The following RGS20 variants were observed in gnomAD, a reference collection of about 807,000 sequenced individuals.
RGS20 encodes the protein gz-selective GTPase-activating protein.
In RGS20, 30 loss-of-function variants were observed where a neutral mutation model predicts 33.6. That is an observed-to-expected ratio of 0.89 (90% CI 0.67 to 1.21). The LOEUF (loss-of-function observed/expected upper bound fraction) is 1.21, where lower values mean the gene tolerates loss of function less well. Ranked by LOEUF, RGS20 falls within the 50% of genes most tolerant of loss-of-function variation. The probability of loss-of-function intolerance (pLI) is 0.00; values close to 1 mark genes in which losing one functional copy is unlikely to be tolerated. For synonymous variants in RGS20, 208 were observed against 197.9 expected (o/e 1.05, Z -0.43); for missense variants, 472 against 502.4 (o/e 0.94, Z 0.58).
Position 53,954,293 on chromosome 8 carries a change from A to G in RGS20, c.961A>G (p.Ile321Val), listed in dbSNP as rs1814796629. ...GATAATCTATGAAGACTACATTTCT[A>G]TACTTTCTCCTAAGGAGGTATGTGA... The change falls in exon 5 of 6, where the codon ATA becomes GTA. Residue 321 changes from isoleucine to valine, a missense_variant. By Grantham distance (29) the Ile-to-Val change is conservative (BLOSUM62 3). Coordinates refer to ENST00000297313, the MANE Select transcript of RGS20 (RefSeq NM_170587.4). The G allele has an allele frequency of 6.2e-7, 1 of 1,606,438 alleles. No homozygotes were observed. Among genetic ancestry groups the G allele is most frequent in the Non-Finnish European group, 8.5e-7 (1 of 1,173,466 alleles).
At chr8:53,956,904 A>G (rs1432669621) in intron 5 of RGS20, among the ~76,000 whole-genome samples, 1 of 152,060 alleles carries the variant, frequency 6.6e-6, no homozygotes, top group African/African-American at 2.4e-5. Context: ...TCCCAGCACT[A>G]TGGGAGGCCG....
intron 2 of RGS20, among the ~76,000 whole-genome samples, chr8:53,923,856 G>T (rs1300478723): frequency 1.3e-5 from 2 of 151,788 alleles, no homozygotes; most frequent in Non-Finnish European, 2.9e-5. Flanking sequence ...ATTTCTATTT[G>T]TTTTAGTTTC....
rs768447423 is a variant in RGS20, at chr8:53,954,084, C to T, written c.752C>T (p.Pro251Leu). 2 of 1,613,562 alleles carry T rather than the reference C, an allele frequency of 1.2e-6. No homozygotes were observed. Among genetic ancestry groups the T allele is most frequent in the East Asian group, 4.5e-5 (2 of 44,872 alleles). ...TTTTGGTCTCCACGAAGCCCTGCTC[C>T]TACTCTGGAAGAAGTCAACGCCTGG... is the stretch of plus-strand genomic sequence containing the variant. Residue 251 changes from proline to leucine, a missense_variant, in exon 5 of 6, where the codon CCT (proline) becomes CTT (leucine). By Grantham distance (98) the Pro-to-Leu change is moderately conservative (BLOSUM62 -3). This residue lies in a region of RGS20 where 125 missense variants were observed against 169.5 expected (regional missense o/e 0.74). Transcript: ENST00000297313.
intron 2 of RGS20, among the ~76,000 whole-genome samples, chr8:53,923,425 T>A (rs1010095558): frequency 9.2e-5 from 14 of 152,090 alleles, no homozygotes; most frequent in African/African-American, 3.4e-4. Context: ...TGAGACCCCG[T>A]CTTTACAAAA....
At chr8:53,884,641 G>A (rs545296741) in intron 2 of RGS20, among the ~76,000 whole-genome samples, 21 of 152,282 alleles carry the variant, frequency 1.4e-4, no homozygotes, top group Admixed American at 1.3e-3. Flanking sequence ...AAAATAGAAT[G>A]AAGACTTCTG....
intron 5 of RGS20, among the ~76,000 whole-genome samples, chr8:53,954,778 C>T (rs1256140927): frequency 6.7e-6 from 1 of 149,920 alleles, no homozygotes; most frequent in East Asian, 2.1e-4. Context: ...ACTTCTGCCT[C>T]CCGGGTTCAA....
intron 1 of RGS20, among the ~76,000 whole-genome samples, chr8:53,857,738 C>T (rs1327505017): frequency 2.0e-5 from 3 of 152,068 alleles, no homozygotes; most frequent in East Asian, 1.9e-4. Flanking sequence ...TTTTTAGATT[C>T]GGGATGCCAA....
chr8:53,914,832 A>T (rs1005316643), intron 2 of RGS20: 2 of 152,186 alleles, frequency 1.3e-5, no homozygotes, highest in Non-Finnish European at 2.9e-5. Flanking sequence ...AAGAAAAAAA[A>T]AGAAAAAAAA....
chr8:53,955,174 A>G lies in RGS20; in HGVS notation c.978+864A>G, dbSNP rs912761874. Among the ~76,000 whole-genome samples the G allele has an allele frequency of 9.2e-5, 14 of 151,516 alleles. No homozygotes were observed. The South Asian group carries it at 1.3e-3, about 14-fold the overall frequency. On this transcript the variant is annotated intron_variant, in intron 5 of 5. Coordinates refer to ENST00000297313, the MANE Select transcript of RGS20 (RefSeq NM_170587.4). ...TGAACATGACCAAACAGCTGCACCC[A>G]CATTCACGGTTTTCAGATCACTTTG...
intron 1 of RGS20, among the ~76,000 whole-genome samples, chr8:53,866,865 C>T (rs1318715041): frequency 6.6e-6 from 1 of 152,032 alleles, no homozygotes; most frequent in Non-Finnish European, 1.5e-5. Context: ...GGTTGGCTCT[C>T]GCTGGGGATT....
Position 53,877,380 on chromosome 8 carries a change from C to T in RGS20, c.166-1878C>T, listed in dbSNP as rs543670779. On this transcript the variant is annotated intron_variant, in intron 1 of 5. Transcript: ENST00000297313. The surrounding 1 kb of genome is among the most constrained non-coding windows in gnomAD (Gnocchi z 5.7). ...GACGCGGCCGCCGGCCCGCAGTCCCCCGCAGGTGCCGCCCAGGACTAGCTG... is the reference window on the plus strand; with the variant it reads ...GACGCGGCCGCCGGCCCGCAGTCCCTCGCAGGTGCCGCCCAGGACTAGCTG... Among the ~76,000 whole-genome samples the T allele has an allele frequency of 0.011, 1,748 of 152,298 alleles. 21 individuals carry two copies. The highest frequency in any genetic ancestry group is 0.03 in the African/African-American group (1,262 of 41,576).
At chr8:53,886,419 G>C (rs1016340352) in intron 2 of RGS20, among the ~76,000 whole-genome samples, 2 of 152,188 alleles carry the variant, frequency 1.3e-5, no homozygotes, top group African/African-American at 4.8e-5. Flanking sequence ...GGAATCACTT[G>C]TGAAATATGA....
chr8:53,958,440 G>T lies in RGS20; in HGVS notation c.1149G>T (p.Glu383Asp). 6.6e-7 allele frequency: 1 copy of T among 1,519,440 alleles called. No homozygotes were observed. The highest frequency in any genetic ancestry group is 1.4e-5 in the South Asian group (1 of 71,600). 94.1% of individuals were successfully genotyped at this position (1,519,440 alleles called of 1,614,324 possible). Residue 383 changes from glutamate (E) to aspartate (D), a missense_variant, in exon 6 of 6, where the codon GAG becomes GAT. Around this residue, in one of 3 missense-constraint regions of RGS20, gnomAD observed 125 missense variants for 169.5 expected, o/e 0.74. Coordinates refer to ENST00000297313, the MANE Select transcript of RGS20 (RefSeq NM_170587.4). Reference sequence around the variant, plus strand: ...AGGACTTGCTTCAGTCCTTATCGGAGAAATCTATTGAAGCATAGGATTTTT... The same window carrying T: ...AGGACTTGCTTCAGTCCTTATCGGATAAATCTATTGAAGCATAGGATTTTT...
chr8:53,896,654 C>A (rs963705488), intron 2 of RGS20, among the ~76,000 whole-genome samples: 1 of 152,088 alleles, frequency 6.6e-6, no homozygotes, highest in Non-Finnish European at 1.5e-5. Context: ...GACCAGAAAA[C>A]CAATTAAAGG....
chr8:53,901,446 A>G (rs1323716622), intron 2 of RGS20, among the ~76,000 whole-genome samples: 16 of 152,146 alleles, frequency 1.1e-4, no homozygotes. Flanking sequence ...TGCCTTCCCT[A>G]TGGCCCTGGT....
chr8:53,934,220 C>T (rs1459211074), intron 2 of RGS20, among the ~76,000 whole-genome samples: 1 of 152,172 alleles, frequency 6.6e-6, no homozygotes, highest in Non-Finnish European at 1.5e-5. Flanking sequence ...AAATAACCAG[C>T]TAGCATCATA....
In RGS20 at chr8:53,948,184, G is replaced by GTA. The variant is rs1157432927; in HGVS notation, c.743+1444_743+1445dup. ...TTATATATGCTATATATATGATATAGTATATATATTTACATATGCTATATA... is the reference window on the plus strand; with the variant it reads ...TTATATATGCTATATATATGATATAGTATATATATATTTACATATGCTATATA... On this transcript the variant is annotated intron_variant, in intron 4 of 5. Coordinates refer to ENST00000297313, the MANE Select transcript of RGS20 (RefSeq NM_170587.4). Among the ~76,000 whole-genome samples, 3 of 129,420 alleles carry GTA rather than the reference G, an allele frequency of 2.3e-5. No individual in the cohort carries two copies. The East Asian group carries it at 6.5e-4, about 28-fold the overall frequency. The allele number at this position is 129,420 out of a possible 152,430, so 84.9% of individuals were successfully genotyped here. A position where few individuals can be genotyped will look rare whatever the true frequency, so the allele number is the denominator to read the frequency against.
chr8:53,858,892 TAAAAAA>T (rs76466731), intron 1 of RGS20, among the ~76,000 whole-genome samples: 2 of 84,506 alleles, frequency 2.4e-5, no homozygotes, highest in African/African-American at 8.0e-5. Context: ...GGGTTATGTT[TAAAAAA>T]AAAAAAAAAA....
intron 5 of RGS20, among the ~76,000 whole-genome samples, chr8:53,956,220 G>A (rs910763230): frequency 1.3e-5 from 2 of 152,192 alleles, no homozygotes; most frequent in Non-Finnish European, 2.9e-5. Context: ...TGTGATCACT[G>A]CAAGTATACA....
Sources: allele counts gnomAD v4.1 joint callset (sites outside exome capture counted in the v4.1 genomes callset), GRCh38; gene constraint gnomAD v4.1.1; regional missense constraint gnomAD v4.1.1; non-coding constraint Gnocchi (gnomAD v3.1); transcripts MANE v1.5; gene names NCBI Gene and HGNC (gene_info 2026-07-23, HGNC 2026-07-21).